Variants in FARS2 observed in about 807,000 individuals in gnomAD.
The protein encoded by FARS2 is phenylalanine--tRNA ligase, mitochondrial.
In FARS2, 40 loss-of-function variants were observed where a neutral mutation model predicts 46.4. That is an observed-to-expected ratio of 0.86 (90% confidence interval 0.67 to 1.12). FARS2 has a LOEUF of 1.12. Among genes scored for constraint, FARS2 ranks in the 50% most tolerant of loss-of-function variants. The pLI, the probability that FARS2 is intolerant of heterozygous loss-of-function variation, is 0.00. For synonymous variants in FARS2, 234 were observed against 214.9 expected (o/e 1.09, Z -0.78); for missense variants, 513 against 567.9 (o/e 0.90, Z 0.98).
intron 1 of FARS2, among the ~76,000 whole-genome samples, chr6:5,297,679 GAACAGC>G (rs1024702761): frequency 2.6e-5 from 4 of 151,728 alleles, no homozygotes; most frequent in Non-Finnish European, 4.4e-5. Context: ...AAACCCAAAA[GAACAGC>G]AACAGCAACA....
chr6:5,256,978 A>G (rs1015474336), upstream of FARS2, among the ~76,000 whole-genome samples: 10 of 152,160 alleles, frequency 6.6e-5, no homozygotes, highest in Admixed American at 5.9e-4. Context: ...ATGATTTATC[A>G]AATACAACAT....
chr6:5,625,669 G>T (rs902274647), intron 6 of FARS2, among the ~76,000 whole-genome samples: 26 of 152,226 alleles, frequency 1.7e-4, no homozygotes, highest in African/African-American at 6.3e-4. Flanking sequence ...GAGAAATAAG[G>T]CTTAGGGGGA....
intron 1 of FARS2, among the ~76,000 whole-genome samples, chr6:5,323,423 T>A (rs1386938303): frequency 2.6e-5 from 4 of 152,210 alleles, no homozygotes; most frequent in Admixed American, 2.6e-4. Flanking sequence ...AGGGTTGGCC[T>A]TAGGAAGCCT....
chr6:5,283,569 A>G (rs1383630251), intron 1 of FARS2, among the ~76,000 whole-genome samples: 2 of 147,584 alleles, frequency 1.4e-5, no homozygotes, highest in East Asian at 2.0e-4. Context: ...AAAAAAAATC[A>G]GAAGGCATAA....
intron 4 of FARS2, among the ~76,000 whole-genome samples, chr6:5,495,883 C>T (rs78336780): frequency 0.028 from 4,270 of 152,204 alleles, 98 homozygotes; most frequent in South Asian, 0.043. Flanking sequence ...CTAATTAGTC[C>T]CTAGTGCAGG....
At chr6:5,695,353 G>A (rs544716531) in intron 6 of FARS2, 13 of 152,382 alleles carry the variant, frequency 8.5e-5, no homozygotes, top group Admixed American at 2.0e-4. Context: ...CGGGCGGTAC[G>A]CTGTCATTCC....
intron 2 of FARS2, among the ~76,000 whole-genome samples, chr6:5,403,285 C>A (rs1761367827): frequency 6.6e-6 from 1 of 152,096 alleles, no homozygotes; most frequent in Admixed American, 6.5e-5. Context: ...AAATGTGATA[C>A]CTGACTGCAA....
intron 6 of FARS2, among the ~76,000 whole-genome samples, chr6:5,674,234 A>G (rs1034604323): frequency 1.9e-4 from 28 of 150,252 alleles, no homozygotes; most frequent in Non-Finnish European, 3.4e-4. Flanking sequence ...AAGAAACAGT[A>G]AAGCAGATGT....
intron 5 of FARS2, among the ~76,000 whole-genome samples, chr6:5,568,361 C>T (rs1772440516): frequency 6.6e-6 from 1 of 152,100 alleles, no homozygotes; most frequent in Non-Finnish European, 1.5e-5. Flanking sequence ...AACACAAGAG[C>T]GTTATTAATT....
At chr6:5,295,911 A>C (rs1027243405) in intron 1 of FARS2, among the ~76,000 whole-genome samples, 1 of 152,116 alleles carries the variant, frequency 6.6e-6, no homozygotes, top group Admixed American at 6.6e-5. Context: ...CTTTTCACGT[A>C]AAACACTGTG....
chr6:5,590,238 C>A (rs1380756943), intron 5 of FARS2, among the ~76,000 whole-genome samples: 1 of 152,098 alleles, frequency 6.6e-6, no homozygotes, highest in African/African-American at 2.4e-5. Flanking sequence ...TTTTATAGAG[C>A]GAGATAAACA....
rs1017452345 is a variant in FARS2, at chr6:5,764,508, T to C, written c.1218-6783T>C. On this transcript the variant is annotated intron_variant, in intron 6 of 6. Coordinates refer to ENST00000274680, the MANE Select transcript of FARS2 (RefSeq NM_006567.5). This position sits in a 1 kb window ranked among gnomAD's most constrained non-coding sequence, Gnocchi z 4.1. ...CTGCATCAGACAAGCAGGAGACAGA[T>C]GAGGAGTGAGCCGGGGAAACCCAGT... 6.6e-6 allele frequency among the ~76,000 whole-genome samples: 1 copy of C among 152,042 alleles called. No individual in the cohort carries two copies. Among genetic ancestry groups the C allele is most frequent in the Non-Finnish European group, 1.5e-5 (1 of 68,008 alleles).
intron 6 of FARS2, among the ~76,000 whole-genome samples, chr6:5,761,332 C>G (rs1380577208): frequency 6.6e-6 from 1 of 152,190 alleles, no homozygotes; most frequent in Non-Finnish European, 1.5e-5. Context: ...ATACATCTTC[C>G]CCTCACACTA....
At chr6:5,696,056 A>T (rs899536421) in intron 6 of FARS2, among the ~76,000 whole-genome samples, 3 of 152,210 alleles carry the variant, frequency 2.0e-5, no homozygotes, top group African/African-American at 7.2e-5. Context: ...TTAGAAGTGG[A>T]TAATGTTCAG....
chr6:5,633,277 T>TC (rs1471270417), intron 6 of FARS2, among the ~76,000 whole-genome samples: 10 of 133,578 alleles, frequency 7.5e-5, no homozygotes, highest in African/African-American at 3.0e-4. Context: ...TTTTTTTTTT[T>TC]TTTTTTTTTT....
In FARS2 at chr6:5,418,066, T is replaced by C. The variant is rs1055902754; in HGVS notation, c.773-12975T>C. Among the ~76,000 whole-genome samples the C allele has an allele frequency of 3.9e-4, 60 of 152,362 alleles. 1 individual carries two copies. The highest frequency in any genetic ancestry group is 2.1e-4 in the Non-Finnish European group (14 of 68,032). On this transcript the variant is annotated intron_variant, in intron 3 of 6. Transcript: ENST00000274680. ...TTTGCTTCAGTTTGGATCTTTTTAA[T>C]ATCATCCCTGTTTCTACTTAACGTG...
chr6:5,734,974 C>A (rs6597161), intron 6 of FARS2, among the ~76,000 whole-genome samples: 95,478 of 152,048 alleles, frequency 0.63, 30,140 homozygotes, highest in East Asian at 0.84. Flanking sequence ...AGAAAGACCA[C>A]CCCAATAAAC....
intron 2 of FARS2, among the ~76,000 whole-genome samples, chr6:5,390,228 T>C (rs1760415946): frequency 1.3e-5 from 2 of 152,242 alleles, no homozygotes; most frequent in Admixed American, 6.5e-5. Context: ...AAGTGAGTAC[T>C]ATTGCTTTCT....
chr6:5,719,620 G>C (rs1759758420), intron 6 of FARS2, among the ~76,000 whole-genome samples: 1 of 152,060 alleles, frequency 6.6e-6, no homozygotes, highest in African/African-American at 2.4e-5. Flanking sequence ...ACTCTCTGGG[G>C]CCTCACACAA....
Sources: gnomAD v4.1 joint callset for allele counts (sites outside exome capture counted in the v4.1 genomes callset) on GRCh38, gnomAD v4.1.1 for gene constraint, Gnocchi (gnomAD v3.1) non-coding constraint, MANE v1.5 for transcripts, NCBI Gene and HGNC (gene_info 2026-07-23, HGNC 2026-07-21) for gene names.